The following AGBL4 variants were observed in gnomAD, a reference collection of about 807,000 sequenced individuals.
The protein encoded by AGBL4 is AGBL carboxypeptidase 4.
In AGBL4, 58 loss-of-function variants were observed where a neutral mutation model predicts 66.4. That is an observed-to-expected ratio of 0.87 (90% CI 0.71 to 1.09). AGBL4 has a LOEUF of 1.09. AGBL4 is among the 50% of genes least tolerant of loss of function. AGBL4 has a pLI of 0.00. For synonymous variants in AGBL4, 234 were observed against 222.9 expected (o/e 1.05, Z -0.44); for missense variants, 579 against 631.0 (o/e 0.92, Z 0.88).
chr1:48,896,870 C>G (rs1003400219), intron 5 of AGBL4, among the ~76,000 whole-genome samples: 2 of 151,610 alleles, frequency 1.3e-5, no homozygotes, highest in African/African-American at 4.8e-5. Flanking sequence ...TACAAAAGTA[C>G]GTATTCTTTT....
chr1:49,006,755 C>A (rs199869955), intron 5 of AGBL4, among the ~76,000 whole-genome samples: 6,690 of 148,050 alleles, frequency 0.045, 114 homozygotes, highest in East Asian at 0.073. Context: ...AGGCACCCCC[C>A]AGCAGGGGCA....
chr1:49,375,701 A>G (rs1276692900), intron 3 of AGBL4, among the ~76,000 whole-genome samples: 1 of 152,138 alleles, frequency 6.6e-6, no homozygotes, highest in African/African-American at 2.4e-5. Context: ...ACAAAGCACA[A>G]TTCATCATTT....
At chr1:49,429,918 T>A (rs986710865) in intron 3 of AGBL4, among the ~76,000 whole-genome samples, 1 of 151,846 alleles carries the variant, frequency 6.6e-6, no homozygotes, top group Admixed American at 6.6e-5. Context: ...AATCAGGGCT[T>A]ACTACAGCCT....
intron 4 of AGBL4, among the ~76,000 whole-genome samples, chr1:49,093,279 GATA>G (rs1488321181): frequency 6.6e-6 from 1 of 152,094 alleles, no homozygotes; most frequent in African/African-American, 2.4e-5. Flanking sequence ...GGACTGACAA[GATA>G]ATAATGAGAA....
chr1:50,023,751 G>T lies in AGBL4; in HGVS notation c.34+12C>A. On this transcript the variant is annotated intron_variant, in intron 1 of 13. Coordinates refer to ENST00000371839, the MANE Select transcript of AGBL4 (RefSeq NM_032785.4). ...CGCCTCAGCCTTCCCCAGATCGGCC[G>T]CCCCCACAGACCTGCCTCAGGCGCC... The T allele has an allele frequency of 6.5e-7, 1 of 1,547,908 alleles. No individual in the cohort carries two copies. The highest frequency in any genetic ancestry group is 2.5e-5 in the East Asian group (1 of 40,316).
chr1:49,323,448 A>ATTTTTTTTTTTTTTTTTTTTT (rs11295329), intron 3 of AGBL4, among the ~76,000 whole-genome samples: 1 of 114,888 alleles, frequency 8.7e-6, no homozygotes, highest in Non-Finnish European at 1.8e-5. Flanking sequence ...TGCCTGGCTA[A>ATTTTTTTTTTTTTTTTTTTTT]TTTTTTTTTT....
At chr1:49,901,918 G>T (rs951647116) in intron 1 of AGBL4, among the ~76,000 whole-genome samples, 14 of 152,088 alleles carry the variant, frequency 9.2e-5, no homozygotes, top group Admixed American at 9.2e-4. Context: ...TGACAAACTT[G>T]ACAAACATAA....
At chr1:48,721,600 G>T (rs1464553049) in intron 6 of AGBL4, among the ~76,000 whole-genome samples, 1 of 152,216 alleles carries the variant, frequency 6.6e-6, no homozygotes, top group Non-Finnish European at 1.5e-5. Flanking sequence ...AACAATCAGT[G>T]TGGGGGTGAC....
chr1:49,889,297 C>T lies in AGBL4; in HGVS notation c.35-37779G>A, dbSNP rs536964215. The stretch of plus-strand genomic sequence containing the variant: ...AAGGATTCAGGGAGCTATCACCACA[C>T]CACCTCACTTCAGCCAGGAGTGACA... On this transcript the variant is annotated intron_variant, in intron 1 of 13. Transcript: ENST00000371839. Among the ~76,000 whole-genome samples the T allele has an allele frequency of 2.0e-4, 31 of 152,302 alleles. No homozygotes were observed. The South Asian group carries it at 6.4e-3, about 32-fold the overall frequency.
At chr1:49,335,547 G>T (rs1164820221) in intron 3 of AGBL4, among the ~76,000 whole-genome samples, 1 of 150,330 alleles carries the variant, frequency 6.7e-6, no homozygotes, top group Non-Finnish European at 1.5e-5. Context: ...ATGGAGTCTC[G>T]CTCTGTTGCC....
At chr1:49,253,691 T>C (rs1391910591) in intron 3 of AGBL4, among the ~76,000 whole-genome samples, 4 of 149,266 alleles carry the variant, frequency 2.7e-5, no homozygotes. Flanking sequence ...ATCATCCCTA[T>C]ACCAAAACCT....
intron 9 of AGBL4, among the ~76,000 whole-genome samples, chr1:48,622,816 A>AT (rs895532084): frequency 6.6e-5 from 10 of 152,248 alleles, no homozygotes; most frequent in African/African-American, 2.4e-4. Flanking sequence ...TAATAGTTAA[A>AT]TTTTTTTGAG....
intron 1 of AGBL4, among the ~76,000 whole-genome samples, chr1:49,999,249 T>G (rs1001599211): frequency 1.1e-4 from 17 of 151,002 alleles, no homozygotes; most frequent in African/African-American, 4.1e-4. Context: ...ACAAAATTAA[T>G]GTACACAAAC....
At chr1:49,395,566 T>C (rs553565728) in intron 3 of AGBL4, among the ~76,000 whole-genome samples, 1 of 140,356 alleles carries the variant, frequency 7.1e-6, no homozygotes, top group South Asian at 2.2e-4. Flanking sequence ...GTGTGTGTGA[T>C]ATTATATATA....
chr1:48,996,368 C>T (rs956257109), intron 5 of AGBL4, among the ~76,000 whole-genome samples: 7 of 151,990 alleles, frequency 4.6e-5, no homozygotes, highest in Admixed American at 2.6e-4. Context: ...TGGGGAAGAG[C>T]AAAGAAAAGA....
rs377695652 is a variant in AGBL4, at chr1:48,587,716, C to T, written c.1105-550G>A. ...GGAGTACAGTGGCGCGATCTTGGCTCACTGCAAGCTCCGTCTCCCTGGTTC... is the reference window on the plus strand; with the variant it reads ...GGAGTACAGTGGCGCGATCTTGGCTTACTGCAAGCTCCGTCTCCCTGGTTC... On this transcript the variant is annotated intron_variant, in intron 10 of 13. Transcript: ENST00000371839. Among the ~76,000 whole-genome samples, 57 of 151,752 alleles carry T rather than the reference C, an allele frequency of 3.8e-4. No homozygotes were observed. In the East Asian group the frequency reaches 6.8e-3, roughly 18 times the overall value.
intron 3 of AGBL4, among the ~76,000 whole-genome samples, chr1:49,273,252 T>C (rs1185443105): frequency 6.6e-5 from 10 of 152,074 alleles, no homozygotes; most frequent in Non-Finnish European, 1.5e-5. Context: ...ACCCACTTCC[T>C]AGATTTTTCA....
At chr1:48,645,666 G>A (rs1184310800) in intron 8 of AGBL4, among the ~76,000 whole-genome samples, 1 of 152,112 alleles carries the variant, frequency 6.6e-6, no homozygotes, top group Non-Finnish European at 1.5e-5. Context: ...TGTAAAATGA[G>A]CATAATGATG....
intron 4 of AGBL4, among the ~76,000 whole-genome samples, chr1:49,085,981 G>C (rs1281325064): frequency 6.6e-6 from 1 of 152,120 alleles, no homozygotes; most frequent in East Asian, 1.9e-4. Flanking sequence ...ATTGGAGCAA[G>C]ATTGCTCCAC....
Sources: allele counts gnomAD v4.1 joint callset (sites outside exome capture counted in the v4.1 genomes callset), GRCh38; gene constraint gnomAD v4.1.1; transcripts MANE v1.5; gene names NCBI Gene and HGNC (gene_info 2026-07-23, HGNC 2026-07-21).